Variants in MAP3K15 observed in about 807,000 individuals in gnomAD.
MAP3K15 encodes the protein mitogen-activated protein kinase kinase kinase 15.
In MAP3K15, 124 loss-of-function variants were observed where a neutral mutation model predicts 99.5. The observed-to-expected ratio is 1.25, with a 90% confidence interval of 1.08 to 1.45. The LOEUF (loss-of-function observed/expected upper bound fraction) is 1.45. MAP3K15 is among the 40% of genes most tolerant of loss of function. MAP3K15 has a pLI of 0.00. For synonymous variants in MAP3K15, 494 were observed against 439.6 expected (o/e 1.12, Z -1.55); for missense variants, 1,242 against 1,079.7 (o/e 1.15, Z -2.11).
intron 3 of MAP3K15, among the ~76,000 whole-genome samples, chrX:19,477,246 G>T (rs757227088): frequency 3.4e-4 from 38 of 111,259 alleles, no homozygotes; most frequent in Non-Finnish European, 6.2e-4. Context: ...TTCAAGAGGT[G>T]CAGAGAAAAG....
chrX:19,371,109 C>T (rs1194057865), intron 23 of MAP3K15, 45 bp from the exon 24 acceptor site: 1 of 997,736 alleles, frequency 1.0e-6, no homozygotes, highest in South Asian at 2.3e-5. Context: ...TCACAAAAAT[C>T]CAGATTTCCA....
chrX:19,497,774 C>T (rs1005401066), intron 1 of MAP3K15: 12 of 111,025 alleles, frequency 1.1e-4, no homozygotes, highest in African/African-American at 3.3e-4. Flanking sequence ...TAAGCATTGT[C>T]GATAAGATGC....
At chrX:19,464,823 G>A (rs887873560) in intron 3 of MAP3K15, among the ~76,000 whole-genome samples, 3 of 111,633 alleles carry the variant, frequency 2.7e-5, no homozygotes, top group Non-Finnish European at 3.8e-5. Flanking sequence ...TTAACTATAG[G>A]TGAGCTATTA....
chrX:19,364,155 A>G (rs1223865784), intron 25 of MAP3K15, among the ~76,000 whole-genome samples: 1 of 112,054 alleles, frequency 8.9e-6, no homozygotes, highest in Non-Finnish European at 1.9e-5. Flanking sequence ...CCTGTTTTGA[A>G]GCTGAGGTAA....
At chrX:19,439,320 A>T (rs2063943903) in intron 6 of MAP3K15, among the ~76,000 whole-genome samples, 1 of 111,900 alleles carries the variant, frequency 8.9e-6, no homozygotes, top group Non-Finnish European at 1.9e-5. Flanking sequence ...TTTCTTTATA[A>T]ATCACCCAGT....
intron 1 of MAP3K15, among the ~76,000 whole-genome samples, chrX:19,506,102 T>C (rs1280215302): frequency 3.6e-5 from 4 of 111,193 alleles, no homozygotes; most frequent in Non-Finnish European, 7.6e-5. Context: ...CCAGCTAATT[T>C]TTTATATTTT....
At chrX:19,502,663 T>C (rs1472019696) in intron 1 of MAP3K15, among the ~76,000 whole-genome samples, 1 of 110,802 alleles carries the variant, frequency 9.0e-6, no homozygotes, top group Admixed American at 9.7e-5. Flanking sequence ...TACAAAAAAA[T>C]ACAAAAATTA....
rs761246318 is a variant in MAP3K15 at position 19,393,760 on chromosome X, C to CTTTTTT, written c.2195-1293_2195-1288dup. 1.5e-3 allele frequency among the ~76,000 whole-genome samples: 92 copies of CTTTTTT among 60,239 alleles called. 10 individuals carry two copies. Among genetic ancestry groups the CTTTTTT allele is most frequent in the African/African-American group, 6.4e-3 (83 of 13,017 alleles). The allele number at this position is 60,239 out of a possible 115,157, so 52.3% of individuals were successfully genotyped here. On this transcript the variant is annotated intron_variant, in intron 16 of 28. Coordinates refer to ENST00000338883, the MANE Select transcript of MAP3K15 (RefSeq NM_001001671.4). ...TGAAAATCTAGCCCACTGCCTGGCT[C>CTTTTTT]TTTTTTTTTTTTTTTTTTTTTTTTT...
intron 3 of MAP3K15, among the ~76,000 whole-genome samples, chrX:19,475,869 T>C (rs762257252): frequency 1.3e-4 from 15 of 112,077 alleles, no homozygotes; most frequent in Non-Finnish European, 2.3e-4. Context: ...ATAGATAAAG[T>C]AGCCTTGGGG....
At chrX:19,404,899 TTAAAACTA>T in intron 13 of MAP3K15, among the ~76,000 whole-genome samples, 1 of 110,637 alleles carries the variant, frequency 9.0e-6, no homozygotes, top group South Asian at 3.8e-4. Context: ...CATATAAAAG[TTAAAACTA>T]TAAAACTCTT....
chrX:19,483,293 G>A, intron 3 of MAP3K15, among the ~76,000 whole-genome samples: 1 of 108,436 alleles, frequency 9.2e-6, no homozygotes, highest in Admixed American at 9.9e-5. Flanking sequence ...AGATAAATGT[G>A]CCCACTTCGC....
intron 3 of MAP3K15, among the ~76,000 whole-genome samples, chrX:19,473,670 C>G (rs1230419875): frequency 9.0e-6 from 1 of 111,685 alleles, no homozygotes; most frequent in Non-Finnish European, 1.9e-5. Context: ...AAGGAAAAGC[C>G]ACTAGTCTCT....
intron 19 of MAP3K15, among the ~76,000 whole-genome samples, chrX:19,377,329 G>A (rs1001973728): frequency 8.9e-6 from 1 of 112,071 alleles, no homozygotes; most frequent in African/African-American, 3.2e-5. Context: ...GGAGGCAGGT[G>A]GATCACTGGA....
At chrX:19,422,101 A>T (rs772056394) in intron 9 of MAP3K15, among the ~76,000 whole-genome samples, 2,642 of 109,976 alleles carry the variant, frequency 0.024, 59 homozygotes, top group African/African-American at 0.064. Context: ...AGGCAATACC[A>T]TTCAGGACAT....
chrX:19,400,289 A>G (rs1159939369), intron 14 of MAP3K15, among the ~76,000 whole-genome samples: 1 of 112,433 alleles, frequency 8.9e-6, no homozygotes, highest in Non-Finnish European at 1.9e-5. Context: ...AGTCTCACAG[A>G]CATTACTAAT....
At chrX:19,393,591 G>A (rs150872504) in intron 16 of MAP3K15, among the ~76,000 whole-genome samples, 1,121 of 108,436 alleles carry the variant, frequency 0.01, 17 homozygotes, top group African/African-American at 0.036. Flanking sequence ...AGCCAATATC[G>A]TACCACTGCA....
At chrX:19,391,637 T>C (rs1422426572) in intron 18 of MAP3K15, among the ~76,000 whole-genome samples, 2 of 86,397 alleles carry the variant, frequency 2.3e-5, no homozygotes, top group African/African-American at 9.7e-5. Context: ...ATCGTGCCAC[T>C]GCACTCCAGC....
intron 19 of MAP3K15, among the ~76,000 whole-genome samples, chrX:19,378,121 T>C (rs1404778888): frequency 8.9e-6 from 1 of 112,535 alleles, no homozygotes; most frequent in Non-Finnish European, 1.9e-5. Context: ...GCAGAGAGCC[T>C]GGCACAGACA....
chrX:19,377,996 G>T (rs1175399723), intron 19 of MAP3K15, among the ~76,000 whole-genome samples: 1 of 112,190 alleles, frequency 8.9e-6, no homozygotes, highest in Non-Finnish European at 1.9e-5. Flanking sequence ...GGGCTGGAGA[G>T]AGCAGCCAAG....
Sources: gnomAD v4.1 joint callset for allele counts (sites outside exome capture counted in the v4.1 genomes callset) on GRCh38, gnomAD v4.1.1 for gene constraint, MANE v1.5 for transcripts, NCBI Gene and HGNC (gene_info 2026-07-23, HGNC 2026-07-21) for gene names.